IL1RAPL1: variants seen among roughly 807,000 people sequenced by gnomAD.
IL1RAPL1 encodes interleukin-1 receptor accessory protein-like 1.
Under a neutral mutation model 48.4 loss-of-function variants are expected in IL1RAPL1, and 3 were observed. The ratio of observed to expected loss-of-function variants is 0.06; its 90% confidence interval spans 0.03 to 0.16. IL1RAPL1 has a LOEUF of 0.16. Ranked by LOEUF, IL1RAPL1 falls within the 10% of genes least tolerant of loss-of-function variation. The probability of loss-of-function intolerance (pLI) is 1.00; values close to 1 mark genes in which losing one functional copy is unlikely to be tolerated. For synonymous variants in IL1RAPL1, 185 were observed against 187.7 expected, an observed-to-expected ratio of 0.99 and a Z score of 0.12; for missense variants, 349 against 530.6, an observed-to-expected ratio of 0.66 and a Z score of 3.36.
At chrX:29,323,752 T>A (rs866952209) in intron 3 of IL1RAPL1, among the ~76,000 whole-genome samples, 1 of 34,179 alleles carries the variant, frequency 2.9e-5, no homozygotes, top group African/African-American at 1.5e-4. Context: ...TATATATATA[T>A]ATATATATAT....
chrX:28,692,130 C>T (rs1033353405), intron 1 of IL1RAPL1, among the ~76,000 whole-genome samples: 1 of 110,848 alleles, frequency 9.0e-6, no homozygotes, highest in Middle Eastern at 4.6e-3. Context: ...GACATTCTCA[C>T]CCAAGAGCCA....
intron 1 of IL1RAPL1, among the ~76,000 whole-genome samples, chrX:28,639,288 G>T (rs1934505882): frequency 8.9e-6 from 1 of 111,789 alleles, no homozygotes. Context: ...CTTATTATCA[G>T]AGTGTGTTAT....
intron 2 of IL1RAPL1, among the ~76,000 whole-genome samples, chrX:29,090,303 C>A (rs1313064744): frequency 8.9e-6 from 1 of 111,917 alleles, no homozygotes; most frequent in South Asian, 3.7e-4. Context: ...TATTTGCCTA[C>A]TCCCCACTAT....
intron 5 of IL1RAPL1, among the ~76,000 whole-genome samples, chrX:29,494,741 T>G (rs887585038): frequency 8.9e-6 from 1 of 112,425 alleles, no homozygotes; most frequent in African/African-American, 3.2e-5. Flanking sequence ...GGCTCTAAAC[T>G]TACTAAATGC....
chrX:29,579,122 C>CT (rs1391231508), intron 5 of IL1RAPL1, among the ~76,000 whole-genome samples: 1 of 111,874 alleles, frequency 8.9e-6, no homozygotes, highest in Non-Finnish European at 1.9e-5. Flanking sequence ...AGATTGGAAG[C>CT]TTTTAAGATC....
intron 2 of IL1RAPL1, among the ~76,000 whole-genome samples, chrX:29,271,745 T>A: frequency 8.9e-6 from 1 of 112,035 alleles, no homozygotes. Flanking sequence ...GTTTAGGTTC[T>A]ATATAGATTC....
chrX:28,978,279 C>T (rs948948222), intron 2 of IL1RAPL1, among the ~76,000 whole-genome samples: 12 of 111,086 alleles, frequency 1.1e-4, no homozygotes, highest in African/African-American at 3.0e-4. Context: ...TGGTCACCAA[C>T]GCAGGCCCAT....
chrX:29,551,433 C>T, intron 5 of IL1RAPL1, among the ~76,000 whole-genome samples: 1 of 111,930 alleles, frequency 8.9e-6, no homozygotes, highest in Non-Finnish European at 1.9e-5. Flanking sequence ...CTAACTATTA[C>T]ATAATGGAAG....
intron 5 of IL1RAPL1, among the ~76,000 whole-genome samples, chrX:29,507,722 C>A (rs1379647092): frequency 9.1e-6 from 1 of 110,020 alleles, no homozygotes; most frequent in Non-Finnish European, 1.9e-5. Context: ...AGCTAACATT[C>A]TGTTGTTTTC....
intron 2 of IL1RAPL1, among the ~76,000 whole-genome samples, chrX:29,017,817 G>T (rs1374673675): frequency 9.0e-6 from 1 of 111,539 alleles, no homozygotes; most frequent in African/African-American, 3.3e-5. Context: ...TCATGGCAAG[G>T]ATAGCGAGTA....
intron 5 of IL1RAPL1, among the ~76,000 whole-genome samples, chrX:29,483,905 C>T (rs1290158380): frequency 9.2e-6 from 1 of 108,698 alleles, no homozygotes; most frequent in Non-Finnish European, 1.9e-5. Flanking sequence ...GTTGCCCAGG[C>T]TGCTCTTGAA....
At chrX:29,136,599 C>T (rs1929133737) in intron 2 of IL1RAPL1, among the ~76,000 whole-genome samples, 1 of 111,209 alleles carries the variant, frequency 9.0e-6, no homozygotes, top group Admixed American at 9.6e-5. Context: ...TGGCCTCAAG[C>T]GATCCTCCCA....
intron 2 of IL1RAPL1, among the ~76,000 whole-genome samples, chrX:29,081,016 C>T (rs796762785): frequency 0.017 from 905 of 54,269 alleles, 33 homozygotes; most frequent in East Asian, 0.052. Flanking sequence ...CTCTCTCTCT[C>T]TCTCTTTCTT....
At chrX:28,863,255 G>C (rs751961474) in intron 2 of IL1RAPL1, among the ~76,000 whole-genome samples, 1 of 110,823 alleles carries the variant, frequency 9.0e-6, no homozygotes, top group African/African-American at 3.3e-5. Context: ...AAATATGTTT[G>C]GCTTTGCAGG....
intron 5 of IL1RAPL1, among the ~76,000 whole-genome samples, chrX:29,484,843 T>C (rs1295971181): frequency 2.7e-5 from 3 of 111,581 alleles, no homozygotes; most frequent in African/African-American, 6.5e-5. Context: ...ATTAGTGTTA[T>C]GGAATAAAAG....
At chrX:29,629,040 AT>A (rs1924693347) in intron 5 of IL1RAPL1, among the ~76,000 whole-genome samples, 1 of 112,025 alleles carries the variant, frequency 8.9e-6, no homozygotes, top group African/African-American at 3.2e-5. Context: ...TTCTTAAATA[AT>A]TGGCACCTTT....
At chrX:29,090,041 A>G (rs964112479) in intron 2 of IL1RAPL1, among the ~76,000 whole-genome samples, 1 of 107,152 alleles carries the variant, frequency 9.3e-6, no homozygotes, top group Non-Finnish European at 1.9e-5. Context: ...TGAAAGTACA[A>G]CTGTAATTAA....
intron 2 of IL1RAPL1, among the ~76,000 whole-genome samples, chrX:29,206,798 T>A (rs760297409): frequency 1.8e-5 from 2 of 111,361 alleles, no homozygotes; most frequent in African/African-American, 6.5e-5. Flanking sequence ...GATAAAAAAA[T>A]GTAAAAATTG....
chrX:28,869,442 G>A (rs1312587627), intron 2 of IL1RAPL1, among the ~76,000 whole-genome samples: 1 of 92,477 alleles, frequency 1.1e-5, no homozygotes, highest in African/African-American at 4.3e-5. Context: ...ATACATTATA[G>A]TCAAGCCTGT....
Sources: gnomAD v4.1 joint callset for allele counts (sites outside exome capture counted in the v4.1 genomes callset) on GRCh38, gnomAD v4.1.1 for gene constraint, MANE v1.5 for transcripts, NCBI Gene and HGNC (gene_info 2026-07-23, HGNC 2026-07-21) for gene names.